Variants in MBNL1 observed in about 807,000 individuals in gnomAD.
The protein encoded by MBNL1 is muscleblind-like protein 1.
MBNL1 carries 8 observed loss-of-function variants against 42.2 expected under a neutral mutation model. The ratio of observed to expected loss-of-function variants is 0.19; its 90% CI spans 0.11 to 0.34. The LOEUF (loss-of-function observed/expected upper bound fraction) is 0.34, where lower values mean the gene tolerates loss of function less well. MBNL1 is among the 10% of genes least tolerant of loss of function. The probability of loss-of-function intolerance (pLI) is 1.00; values close to 1 mark genes in which losing one functional copy is unlikely to be tolerated. For synonymous variants in MBNL1, 169 were observed against 173.9 expected (o/e 0.97, Z 0.22); for missense variants, 309 against 495.3 (o/e 0.62, Z 3.57).
intron 2 of MBNL1, among the ~76,000 whole-genome samples, chr3:152,249,554 C>G (rs2034109258): frequency 1.5e-5 from 2 of 137,816 alleles, no homozygotes; most frequent in Non-Finnish European, 3.2e-5. Flanking sequence ...AAAATTTTCT[C>G]CCATTTTGTA....
chr3:152,324,165 C>G (rs2078086551), intron 2 of MBNL1, among the ~76,000 whole-genome samples: 1 of 152,154 alleles, frequency 6.6e-6, no homozygotes. Context: ...ATAAAGAATA[C>G]TTTATAAATG....
chr3:152,333,914 A>C (rs921045240), intron 2 of MBNL1, among the ~76,000 whole-genome samples: 1 of 152,234 alleles, frequency 6.6e-6, no homozygotes, highest in East Asian at 1.9e-4. Flanking sequence ...TCTTCATTCA[A>C]ATCACTGTGA....
At chr3:152,301,852 C>A (rs959561471) in intron 2 of MBNL1, 1 of 152,206 alleles carries the variant, frequency 6.6e-6, no homozygotes, top group East Asian at 1.9e-4. Flanking sequence ...TTGTCGGTAA[C>A]CAGCTGTGGC....
At chr3:152,276,773 A>T (rs1184035159) in intron 1 of MBNL1, among the ~76,000 whole-genome samples, 1 of 152,202 alleles carries the variant, frequency 6.6e-6, no homozygotes, top group Non-Finnish European at 1.5e-5. Flanking sequence ...ATAAACAGAC[A>T]CTTGGTGTTT....
At chr3:152,337,114 A>G (rs1417240381) in intron 2 of MBNL1, among the ~76,000 whole-genome samples, 3 of 152,182 alleles carry the variant, frequency 2.0e-5, no homozygotes, top group Non-Finnish European at 2.9e-5. Flanking sequence ...CCAGCTCATC[A>G]AAGCAAAATT....
chr3:152,256,904 G>A (rs899291054), intron 2 of MBNL1, among the ~76,000 whole-genome samples: 3 of 151,942 alleles, frequency 2.0e-5, no homozygotes, highest in Admixed American at 1.3e-4. Context: ...CTAGAAGGAT[G>A]ACAATCATGT....
chr3:152,304,466 C>T (rs114352834), intron 2 of MBNL1, among the ~76,000 whole-genome samples: 484 of 152,290 alleles, frequency 3.2e-3, no homozygotes, highest in African/African-American at 0.011. Flanking sequence ...AAATTTTGAT[C>T]TATTAGGGTC....
In MBNL1 at chr3:152,395,314, T is replaced by G. The variant is rs141901121; in HGVS notation, c.175-19627T>G. On this transcript the variant is annotated intron_variant, in intron 2 of 9. Coordinates refer to ENST00000324210, the MANE Select transcript of MBNL1 (RefSeq NM_021038.5). Reference sequence around the variant, plus strand: ...GGAGTGACTAGTACATTTTCATTATTTTGTGGCATAATATAAATTATTTTA... The same window carrying G: ...GGAGTGACTAGTACATTTTCATTATGTTGTGGCATAATATAAATTATTTTA... 7.7e-4 allele frequency among the ~76,000 whole-genome samples: 117 copies of G among 152,354 alleles called. 1 individual carries two copies. The highest frequency in any genetic ancestry group is 2.6e-3 in the African/African-American group (110 of 41,576).
At chr3:152,273,902 C>T (rs1290083354) in intron 1 of MBNL1, among the ~76,000 whole-genome samples, 4 of 152,098 alleles carry the variant, frequency 2.6e-5, no homozygotes, top group Non-Finnish European at 5.9e-5. Flanking sequence ...TTGTATGTAA[C>T]GCATGCATGA....
chr3:152,292,961 G>T (rs1172623153), intron 1 of MBNL1, among the ~76,000 whole-genome samples: 1 of 151,776 alleles, frequency 6.6e-6, no homozygotes, highest in Non-Finnish European at 1.5e-5. Context: ...TAGATATAGG[G>T]TCCTACTATG....
At chr3:152,288,998 G>A (rs564421478) in intron 1 of MBNL1, among the ~76,000 whole-genome samples, 1 of 152,174 alleles carries the variant, frequency 6.6e-6, no homozygotes, top group East Asian at 1.9e-4. Flanking sequence ...AATTTACAGT[G>A]TAGATAAAGT....
At chr3:152,455,356 G>C (rs1171932822) in intron 6 of MBNL1, among the ~76,000 whole-genome samples, 186 bp from the exon 7 acceptor site, 1 of 152,180 alleles carries the variant, frequency 6.6e-6, no homozygotes, top group Non-Finnish European at 1.5e-5. Context: ...CTTCACTTGA[G>C]ACTAGTTCTA....
At chr3:152,261,534 T>A (rs1258993143) in intron 2 of MBNL1, among the ~76,000 whole-genome samples, 1 of 152,168 alleles carries the variant, frequency 6.6e-6, no homozygotes, top group Non-Finnish European at 1.5e-5. Context: ...AGCCTCATTC[T>A]CGCCTTAGTG....
intron 2 of MBNL1, among the ~76,000 whole-genome samples, chr3:152,363,934 T>C (rs1196567076): frequency 2.0e-5 from 3 of 152,290 alleles, no homozygotes; most frequent in Admixed American, 6.5e-5. Context: ...TTCTACGCTT[T>C]TTCATACTCT....
chr3:152,451,789 G>C (rs572448238), intron 6 of MBNL1, among the ~76,000 whole-genome samples: 1 of 152,280 alleles, frequency 6.6e-6, no homozygotes, highest in South Asian at 2.1e-4. Flanking sequence ...CTTGTTCCCT[G>C]CTGCACTGAG....
intron 2 of MBNL1, among the ~76,000 whole-genome samples, chr3:152,390,304 G>A (rs968751487): frequency 2.0e-5 from 3 of 149,422 alleles, no homozygotes; most frequent in East Asian, 2.0e-4. Context: ...AGACACAAAC[G>A]TATATGTTAT....
intron 2 of MBNL1, among the ~76,000 whole-genome samples, chr3:152,300,584 T>G (rs942709771): frequency 2.0e-5 from 3 of 146,706 alleles, no homozygotes; most frequent in Non-Finnish European, 4.4e-5. Context: ...TCACTGCATG[T>G]TTTTTTTTGC....
intron 2 of MBNL1, among the ~76,000 whole-genome samples, chr3:152,374,495 AGT>A (rs1481982273): frequency 6.6e-5 from 10 of 152,202 alleles, no homozygotes; most frequent in Admixed American, 5.9e-4. Context: ...ATCACACTGC[AGT>A]GTCTTAAACC....
intron 1 of MBNL1, among the ~76,000 whole-genome samples, chr3:152,293,291 A>C (rs371410202): frequency 6.6e-6 from 1 of 152,192 alleles, no homozygotes; most frequent in East Asian, 1.9e-4. Context: ...TGAAGGCTGC[A>C]TTAACTCGTT....
Sources: gnomAD v4.1 joint callset for allele counts (sites outside exome capture counted in the v4.1 genomes callset) on GRCh38, gnomAD v4.1.1 for gene constraint, MANE v1.5 for transcripts, NCBI Gene and HGNC (gene_info 2026-07-23, HGNC 2026-07-21) for gene names.